Variants in WDR17 observed in about 807,000 individuals in gnomAD.
WDR17 encodes WD repeat-containing protein 17.
WDR17 carries 143 observed loss-of-function variants against 161.7 expected under a neutral mutation model. That is an observed-to-expected ratio of 0.88 (90% CI 0.77 to 1.02). The LOEUF is 1.02. Among genes scored for constraint, WDR17 ranks in the 50% least tolerant of loss-of-function variants. WDR17 has a pLI of 0.00. For missense variants in WDR17, 1,469 were observed against 1,520.9 expected, an observed-to-expected ratio of 0.97 and a Z score of 0.57; for synonymous variants, 517 against 515.6, an observed-to-expected ratio of 1.00 and a Z score of -0.04.
At chr4:176,151,616 A>G (rs879710249) in intron 16 of WDR17, among the ~76,000 whole-genome samples, 196 bp from the exon 17 acceptor site, 13 of 152,312 alleles carry the variant, frequency 8.5e-5, no homozygotes, top group South Asian at 2.1e-4. Context: ...ATATTTTCAC[A>G]CAAGCATACA....
At chr4:176,177,376 G>A in intron 27 of WDR17, 95 bp from the exon 28 acceptor site, 1 of 1,211,706 alleles carries the variant, frequency 8.3e-7, no homozygotes, top group Non-Finnish European at 1.1e-6. Flanking sequence ...ATCAATAAAG[G>A]GGAACTAAAT....
chr4:176,171,212 T>C (rs570981951), intron 23 of WDR17, among the ~76,000 whole-genome samples: 3 of 152,334 alleles, frequency 2.0e-5, no homozygotes, highest in South Asian at 4.1e-4. Context: ...GAGGTACTTA[T>C]ATAACTTTTA....
chr4:176,088,046 G>T (rs1404472366), intron 1 of WDR17, among the ~76,000 whole-genome samples: 3 of 152,034 alleles, frequency 2.0e-5, no homozygotes, highest in African/African-American at 7.3e-5. Flanking sequence ...TTTTCACCAT[G>T]TTGGCCAATC....
chr4:176,093,457 G>A (rs564924387), intron 1 of WDR17, among the ~76,000 whole-genome samples: 3 of 152,108 alleles, frequency 2.0e-5, no homozygotes, highest in South Asian at 2.1e-4. Flanking sequence ...TAAGTTTTCC[G>A]ACAATGAAAA....
At chr4:176,165,821 C>T in intron 22 of WDR17, among the ~76,000 whole-genome samples, 1 of 152,150 alleles carries the variant, frequency 6.6e-6, no homozygotes. Context: ...AAAAAACAAA[C>T]TTCTTCCTTG....
At chr4:176,071,796 A>G (rs1489305453) in intron 1 of WDR17, among the ~76,000 whole-genome samples, 1 of 152,208 alleles carries the variant, frequency 6.6e-6, no homozygotes, top group Non-Finnish European at 1.5e-5. Context: ...TCCAGGATTC[A>G]AATCCATATA....
chr4:176,068,622 A>G (rs1454111122), intron 1 of WDR17, among the ~76,000 whole-genome samples: 1 of 152,188 alleles, frequency 6.6e-6, no homozygotes, highest in African/African-American at 2.4e-5. Context: ...GAAAAGAAAA[A>G]GAAAAAAAGG....
intron 1 of WDR17, among the ~76,000 whole-genome samples, chr4:176,067,991 T>A (rs1732736595): frequency 6.6e-6 from 1 of 152,192 alleles, no homozygotes; most frequent in African/African-American, 2.4e-5. Context: ...AAAATGTAAT[T>A]CTGACAGTTT....
rs28559302 is a variant in WDR17, at chr4:176,137,396, A to T, written c.1268-124A>T. On this transcript the variant is annotated intron_variant, in intron 8 of 28. Coordinates refer to ENST00000508596, the MANE Select transcript of WDR17 (RefSeq NM_181265.4). ...TAATTTTATACAGTTAATAATTTCA[A>T]TTATAAAAAATTAAAGAACTAGTCT... 1.0e-5 allele frequency: 7 copies of T among 671,950 alleles called. No homozygotes were observed. In the Admixed American group the frequency reaches 1.4e-4, roughly 13 times the overall value. The allele number at this position is 671,950 out of a possible 1,614,324, so 41.6% of individuals were successfully genotyped here.
chr4:176,152,912 C>T (rs949578751), intron 17 of WDR17, among the ~76,000 whole-genome samples: 17 of 149,768 alleles, frequency 1.1e-4, no homozygotes, highest in East Asian at 3.9e-4. Flanking sequence ...TCCAGCCTGG[C>T]GACAGAGCAA....
At chr4:176,086,717 T>C (rs534956798) in intron 1 of WDR17, among the ~76,000 whole-genome samples, 50 of 151,984 alleles carry the variant, frequency 3.3e-4, no homozygotes, top group African/African-American at 1.1e-3. Flanking sequence ...AGCTGAATTT[T>C]TTAATGTAGA....
chr4:176,110,998 A>G (rs1307013074), intron 1 of WDR17, among the ~76,000 whole-genome samples: 2 of 152,180 alleles, frequency 1.3e-5, no homozygotes, highest in Non-Finnish European at 2.9e-5. Context: ...AGTATTGTTA[A>G]CCTAGCTTAT....
intron 3 of WDR17, among the ~76,000 whole-genome samples, chr4:176,118,966 A>T (rs1174306032): frequency 6.6e-6 from 1 of 151,906 alleles, no homozygotes; most frequent in East Asian, 1.9e-4. Context: ...GTCTCAAAAA[A>T]TAATAATTAT....
intron 1 of WDR17, among the ~76,000 whole-genome samples, chr4:176,092,580 A>G (rs2126632545): frequency 6.6e-6 from 1 of 152,348 alleles, no homozygotes; most frequent in East Asian, 1.9e-4. Flanking sequence ...AAGTTGGAAC[A>G]AAAGAAATCA....
chr4:176,096,311 G>T (rs557388099), intron 1 of WDR17, among the ~76,000 whole-genome samples: 8 of 151,970 alleles, frequency 5.3e-5, no homozygotes, highest in South Asian at 4.1e-4. Context: ...CATTATTGTC[G>T]ATTTCTTTCT....
At chr4:176,081,396 C>T (rs775779761) in intron 1 of WDR17, among the ~76,000 whole-genome samples, 55 of 152,068 alleles carry the variant, frequency 3.6e-4, no homozygotes, top group Non-Finnish European at 6.2e-4. Context: ...AAATAATTTC[C>T]CTCTCAAAGT....
intron 1 of WDR17, among the ~76,000 whole-genome samples, chr4:176,082,876 A>C (rs1734933375): frequency 6.6e-6 from 1 of 152,022 alleles, no homozygotes; most frequent in Non-Finnish European, 1.5e-5. Flanking sequence ...AGGGAAATAT[A>C]GGCTCATCCA....
intron 1 of WDR17, among the ~76,000 whole-genome samples, chr4:176,069,756 A>T (rs1170981947): frequency 1.6e-4 from 24 of 152,166 alleles, no homozygotes; most frequent in Admixed American, 1.6e-3. Context: ...TTACTTTCAA[A>T]TCGGAAAGTA....
chr4:176,111,112 A>G (rs1182334597), intron 1 of WDR17: 1 of 152,338 alleles, frequency 6.6e-6, no homozygotes. Context: ...ACTGGTCCAC[A>G]GTGTTTTAAA....
Sources: gnomAD v4.1 joint callset for allele counts (sites outside exome capture counted in the v4.1 genomes callset) on GRCh38, gnomAD v4.1.1 for gene constraint, MANE v1.5 for transcripts, NCBI Gene and HGNC (gene_info 2026-07-23, HGNC 2026-07-21) for gene names.